DOCK4: variants seen among roughly 807,000 people sequenced by gnomAD.
DOCK4 encodes dedicator of cytokinesis 4.
DOCK4 carries 97 observed loss-of-function variants against 268.1 expected under a neutral mutation model. The observed-to-expected ratio is 0.36, with a 90% CI of 0.31 to 0.43. The LOEUF (loss-of-function observed/expected upper bound fraction) is 0.43, where lower values mean the gene tolerates loss of function less well. DOCK4 is among the 20% of genes least tolerant of loss of function. The pLI is 1.00. For missense variants in DOCK4, 2,145 were observed against 2,455.7 expected, an observed-to-expected ratio of 0.87 and a Z score of 2.67; for synonymous variants, 954 against 887.2, an observed-to-expected ratio of 1.08 and a Z score of -1.34.
intron 1 of DOCK4, among the ~76,000 whole-genome samples, chr7:112,140,999 C>T (rs1009606174): frequency 6.6e-6 from 1 of 152,118 alleles, no homozygotes; most frequent in Non-Finnish European, 1.5e-5. Context: ...TGTCTTCCTC[C>T]AAAACCCAGA....
At chr7:111,802,212 C>T (rs956174313) in intron 30 of DOCK4, among the ~76,000 whole-genome samples, 1 of 152,076 alleles carries the variant, frequency 6.6e-6, no homozygotes, top group African/African-American at 2.4e-5. Flanking sequence ...CCTAAACCCA[C>T]TAAACAGCTC....
chr7:112,105,995 C>G (rs62474348), intron 1 of DOCK4, among the ~76,000 whole-genome samples: 45,278 of 152,036 alleles, frequency 0.3, 7,333 homozygotes, highest in Middle Eastern at 0.45. Context: ...CCAGCCAGAG[C>G]CTTTATCTTC....
At position 111,728,454 on chromosome 7, in the gene DOCK4, C is replaced by T; in HGVS notation, c.5748G>A (p.Glu1916=). 1 of 1,607,202 alleles carries T rather than the reference C, an allele frequency of 6.2e-7. No individual in the cohort carries two copies. Among genetic ancestry groups the T allele is most frequent in the Non-Finnish European group, 8.5e-7 (1 of 1,176,596 alleles). The stretch of plus-strand genomic sequence containing the variant: ...GCGGGACGGGGCGCCGCAGAGTCCG[C>T]TCGTAGACGCTGTACGGGGGCGGAG... The part of the protein sequence containing the change: ...SKTPPPYSVY[E]RTLRRPVPLP... Residue 1916 remains glutamate, a synonymous_variant, in exon 53 of 53, where the codon GAG becomes GAA. Coordinates refer to ENST00000428084, the MANE Select transcript of DOCK4 (RefSeq NM_001363540.2).
At chr7:112,171,869 T>G (rs958044601) in intron 1 of DOCK4, among the ~76,000 whole-genome samples, 7 of 152,212 alleles carry the variant, frequency 4.6e-5, no homozygotes, top group African/African-American at 1.7e-4. Context: ...AAGATCAAGG[T>G]GCTGGCAGGG....
At chr7:112,122,890 A>C (rs1812868577) in intron 1 of DOCK4, among the ~76,000 whole-genome samples, 2 of 152,248 alleles carry the variant, frequency 1.3e-5, no homozygotes, top group South Asian at 4.1e-4. Flanking sequence ...AGTCAAGAAC[A>C]AGATCACTTC....
intron 23 of DOCK4, among the ~76,000 whole-genome samples, chr7:111,861,324 G>A (rs1805497708): frequency 6.6e-6 from 1 of 151,822 alleles, no homozygotes; most frequent in Non-Finnish European, 1.5e-5. Flanking sequence ...AAAAAAATAA[G>A]AAATATCTCA....
chr7:112,006,002 A>G (rs1197579912), intron 1 of DOCK4, among the ~76,000 whole-genome samples: 1 of 152,034 alleles, frequency 6.6e-6, no homozygotes, highest in Non-Finnish European at 1.5e-5. Context: ...TGAATCTTCT[A>G]CTGCTTCTGT....
At chr7:111,815,832 A>AG (rs57293323) in intron 27 of DOCK4, among the ~76,000 whole-genome samples, 11,098 of 151,784 alleles carry the variant, frequency 0.073, 1,376 homozygotes, top group African/African-American at 0.25. Context: ...CCACTGCGCC[A>AG]GCTAATTTTT....
chr7:111,787,921 T>C (rs1799289586), intron 32 of DOCK4, among the ~76,000 whole-genome samples: 1 of 152,220 alleles, frequency 6.6e-6, no homozygotes, highest in Non-Finnish European at 1.5e-5. Context: ...TAGGAAGCTG[T>C]AGAGAAAACA....
intron 22 of DOCK4, among the ~76,000 whole-genome samples, chr7:111,867,494 G>A (rs565161841): frequency 8.5e-5 from 13 of 152,234 alleles, no homozygotes; most frequent in South Asian, 2.1e-4. Context: ...GGAGTTTGGC[G>A]GCAGCAGCAG....
chr7:111,980,395 A>G (rs1798520686), intron 7 of DOCK4, among the ~76,000 whole-genome samples: 2 of 152,230 alleles, frequency 1.3e-5, no homozygotes. Flanking sequence ...AGGGCTTGAG[A>G]TAATTTGTGG....
intron 25 of DOCK4, among the ~76,000 whole-genome samples, chr7:111,841,387 T>C (rs1198946452): frequency 5.3e-5 from 8 of 152,004 alleles, no homozygotes; most frequent in Admixed American, 3.3e-4. Context: ...GTCTCAAACC[T>C]CTGCCTCAAG....
intron 1 of DOCK4, among the ~76,000 whole-genome samples, chr7:112,195,017 G>A (rs558824681): frequency 7.9e-5 from 12 of 152,212 alleles, no homozygotes; most frequent in African/African-American, 2.6e-4. Context: ...AGTGGCTCAC[G>A]CATGTAATTC....
chr7:111,927,906 G>C (rs1793863491), intron 12 of DOCK4, among the ~76,000 whole-genome samples: 1 of 152,122 alleles, frequency 6.6e-6, no homozygotes, highest in African/African-American at 2.4e-5. Context: ...TGGATGAAAA[G>C]TACATCCTTA....
intron 1 of DOCK4, among the ~76,000 whole-genome samples, chr7:112,097,873 A>C (rs1810296370): frequency 1.3e-5 from 2 of 152,202 alleles, no homozygotes; most frequent in Non-Finnish European, 2.9e-5. Flanking sequence ...TAGAAAGCTA[A>C]ATTCATTGGT....
intron 26 of DOCK4, among the ~76,000 whole-genome samples, chr7:111,833,929 T>C (rs1375157784): frequency 6.6e-6 from 1 of 152,132 alleles, no homozygotes; most frequent in South Asian, 2.1e-4. Context: ...ACTGAAGAGA[T>C]GGAAGAGAAA....
chr7:111,942,567 A>T (rs886997880), intron 10 of DOCK4, among the ~76,000 whole-genome samples: 6 of 152,144 alleles, frequency 3.9e-5, no homozygotes, highest in African/African-American at 1.4e-4. Flanking sequence ...AGTAGTTTAC[A>T]TCTGTTCCCC....
intron 23 of DOCK4, among the ~76,000 whole-genome samples, chr7:111,861,311 GA>G (rs142514832): frequency 1.4e-5 from 2 of 147,604 alleles, no homozygotes; most frequent in African/African-American, 2.5e-5. Flanking sequence ...TGCTATTTCA[GA>G]AAAAAAAATA....
At chr7:111,730,621 A>C (rs1795018224) in intron 52 of DOCK4, among the ~76,000 whole-genome samples, 1 of 150,344 alleles carries the variant, frequency 6.7e-6, no homozygotes, top group Non-Finnish European at 1.5e-5. Context: ...CCACAGTTTG[A>C]TGGCTGGCTG....
Sources: allele counts gnomAD v4.1 joint callset (sites outside exome capture counted in the v4.1 genomes callset), GRCh38; gene constraint gnomAD v4.1.1; transcripts MANE v1.5; gene names NCBI Gene and HGNC (gene_info 2026-07-23, HGNC 2026-07-21).